The following ZMYND11 variants were observed in gnomAD, a reference collection of about 807,000 sequenced individuals.
The protein encoded by ZMYND11 is zinc finger MYND-type containing 11, also known as zinc finger MYND domain-containing protein 11.
A neutral mutation model predicts 84.9 loss-of-function variants in ZMYND11; 9 were observed. The observed-to-expected ratio is 0.11, with a 90% CI of 0.06 to 0.18. The LOEUF (loss-of-function observed/expected upper bound fraction) is 0.18. Ranked by LOEUF, ZMYND11 falls within the 10% of genes least tolerant of loss-of-function variation. The pLI is 1.00. For missense variants in ZMYND11, 409 were observed against 761.0 expected, an observed-to-expected ratio of 0.54 and a Z score of 5.44; for synonymous variants, 250 against 244.1, an observed-to-expected ratio of 1.02 and a Z score of -0.23.
intron 2 of ZMYND11, among the ~76,000 whole-genome samples, chr10:186,797 T>C (rs1232819065): frequency 2.6e-5 from 4 of 152,278 alleles, no homozygotes; most frequent in African/African-American, 7.2e-5. Context: ...GGAGAACTTA[T>C]CTGTTCTGAA....
intron 4 of ZMYND11, among the ~76,000 whole-genome samples, chr10:236,380 C>G (rs1949971215): frequency 6.6e-6 from 1 of 152,214 alleles, no homozygotes; most frequent in Non-Finnish European, 1.5e-5. Context: ...TAGTATGCAG[C>G]TGCGCTGTGC....
rs1461441640 is a variant in ZMYND11, at chr10:135,736, TGGCGGGGCGGGCCGGGCC to T, written c.-20+186_-20+203del. Among the ~76,000 whole-genome samples the T allele has an allele frequency of 3.6e-5, 5 of 137,238 alleles. No individual in the cohort carries two copies. The highest frequency in any genetic ancestry group is 6.4e-5 in the Non-Finnish European group (4 of 62,718). The allele number at this position is 137,238 out of a possible 152,430, so 90.0% of individuals were successfully genotyped here. ...CCGAGCTGCCGGGGAGCTTTGTGGA[TGGCGGGGCGGGCCGGGCC>T]GGCGGGGCCTGCGAGGGCGGCGGCG... On this transcript the variant is annotated intron_variant, in intron 1 of 14. Coordinates refer to ENST00000381604, the MANE Select transcript of ZMYND11 (RefSeq NM_001370100.5). This position sits in a 1 kb window ranked among gnomAD's most constrained non-coding sequence, Gnocchi z 5.6.
At chr10:190,674 T>A (rs1940139274) in intron 2 of ZMYND11, among the ~76,000 whole-genome samples, 1 of 152,216 alleles carries the variant, frequency 6.6e-6, no homozygotes, top group Non-Finnish European at 1.5e-5. Flanking sequence ...CCCTGACGTT[T>A]CTTCTTTTCA....
chr10:192,516 C>T (rs1289949579), intron 2 of ZMYND11, among the ~76,000 whole-genome samples: 2 of 152,198 alleles, frequency 1.3e-5, no homozygotes, highest in Admixed American at 6.5e-5. Context: ...CCATAAATTA[C>T]TATGACTTGC....
chr10:210,247 C>G (rs897993024), intron 3 of ZMYND11, among the ~76,000 whole-genome samples, 199 bp downstream of exon 3: 4 of 152,200 alleles, frequency 2.6e-5, no homozygotes, highest in Non-Finnish European at 5.9e-5. Flanking sequence ...TACAAAGATC[C>G]TGCTTCTCTA....
At chr10:173,308 C>T (rs546355621) in intron 1 of ZMYND11, among the ~76,000 whole-genome samples, 36 of 152,246 alleles carry the variant, frequency 2.4e-4, no homozygotes, top group Non-Finnish European at 5.0e-4. Flanking sequence ...AAATTTAATA[C>T]TTTTGTTCTG....
chr10:244,051 G>A (rs1472237091), intron 10 of ZMYND11, among the ~76,000 whole-genome samples: 1 of 152,028 alleles, frequency 6.6e-6, no homozygotes, highest in East Asian at 1.9e-4. Context: ...CTTTATTTTA[G>A]AAAATAAGAG....
chr10:186,642 C>CAAAAA lies in ZMYND11; in HGVS notation c.116+6547_116+6551dup, dbSNP rs56345833. ...ACTGGGGAACAGAGCAGGACTCTCT[C>CAAAAA]AAAAAAAAAAAAAAAAAAAAAAAAA... On this transcript the variant is annotated intron_variant, in intron 2 of 14. Transcript: ENST00000381604. Among the ~76,000 whole-genome samples the CAAAAA allele has an allele frequency of 7.4e-5, 7 of 95,156 alleles. 1 individual carries two copies. Among genetic ancestry groups the CAAAAA allele is most frequent in the East Asian group, 2.9e-4 (1 of 3,404 alleles). 62.4% of individuals were successfully genotyped at this position (95,156 alleles called of 152,430 possible).
chr10:247,483 G>T lies in ZMYND11; in HGVS notation c.1227+17G>T, dbSNP rs372546317. On this transcript the variant is annotated intron_variant, in intron 12 of 14. Transcript: ENST00000381604. ...AAAAAGGAAGTAAGTTGCCCACCTCGCAGTATCCAGGTGGCAAATGAAACA... is the reference window on the plus strand; with the variant it reads ...AAAAAGGAAGTAAGTTGCCCACCTCTCAGTATCCAGGTGGCAAATGAAACA... 2.5e-6 allele frequency: 4 copies of T among 1,612,130 alleles called. No individual in the cohort carries two copies. Among genetic ancestry groups the T allele is most frequent in the African/African-American group, 2.7e-5 (2 of 74,786 alleles).
In ZMYND11 at chr10:180,089, G is replaced by C; in HGVS notation, c.77G>C (p.Arg26Pro). Reference sequence around the variant, plus strand: ...CTTTGGGCAGCCATTGAGATTATACGGAACCAGAAGCAGATTGCCAACATT... The same window carrying C: ...CTTTGGGCAGCCATTGAGATTATACCGAACCAGAAGCAGATTGCCAACATT... ...QHLWAAIEII[R>P]NQKQIANIDR... The change falls in exon 2 of 15, where the codon CGG becomes CCG. Residue 26 changes from arginine (R) to proline (P), a missense_variant. Arg to Pro is a moderately radical substitution (Grantham distance 103). Coordinates refer to ENST00000381604, the MANE Select transcript of ZMYND11 (RefSeq NM_001370100.5). 1 of 1,613,274 alleles carries C rather than the reference G, an allele frequency of 6.2e-7. No individual in the cohort carries two copies. The highest frequency in any genetic ancestry group is 8.5e-7 in the Non-Finnish European group (1 of 1,179,560).
chr10:210,528 T>G (rs1049544872), intron 3 of ZMYND11, among the ~76,000 whole-genome samples: 1 of 152,212 alleles, frequency 6.6e-6, no homozygotes, highest in Non-Finnish European at 1.5e-5. Context: ...TAAGTTCTCC[T>G]GGCCAGTGCC....
At chr10:198,030 T>A (rs1332268125) in intron 2 of ZMYND11, 3 of 595,108 alleles carry the variant, frequency 5.0e-6, no homozygotes, top group Non-Finnish European at 9.1e-6. Flanking sequence ...AAAAAGTTGG[T>A]AAAATTTGGG....
At chr10:243,239 A>G (rs1024666385) in intron 10 of ZMYND11, among the ~76,000 whole-genome samples, 5 of 152,156 alleles carry the variant, frequency 3.3e-5, no homozygotes, top group Non-Finnish European at 1.5e-5. Context: ...CTACAGAGAG[A>G]CCTGAGCATA....
intron 2 of ZMYND11, among the ~76,000 whole-genome samples, chr10:203,135 A>G (rs931164718): frequency 7.2e-5 from 11 of 152,210 alleles, no homozygotes; most frequent in African/African-American, 9.6e-5. Flanking sequence ...GTGAACTGTT[A>G]TAAGAATCCC....
At chr10:230,577 G>A (rs562899290) in intron 4 of ZMYND11, among the ~76,000 whole-genome samples, 6 of 151,458 alleles carry the variant, frequency 4.0e-5, no homozygotes, top group Non-Finnish European at 8.8e-5. Context: ...AGTAAGTGCT[G>A]TAGGTGGCTA....
chr10:167,820 G>T (rs559874116), intron 1 of ZMYND11, among the ~76,000 whole-genome samples: 2 of 151,800 alleles, frequency 1.3e-5, no homozygotes, highest in South Asian at 4.2e-4. Flanking sequence ...TTTTAATGTG[G>T]CAAATACACA....
chr10:151,839 G>A (rs1466761836), intron 1 of ZMYND11, among the ~76,000 whole-genome samples: 3 of 152,244 alleles, frequency 2.0e-5, no homozygotes, highest in Admixed American at 2.0e-4. Context: ...CCCACAAAGG[G>A]AAGCCCATCA....
chr10:145,599 T>G (rs1283833211), intron 1 of ZMYND11, among the ~76,000 whole-genome samples: 3 of 152,184 alleles, frequency 2.0e-5, no homozygotes, highest in Non-Finnish European at 2.9e-5. Context: ...CTGGTGGGGG[T>G]AAGGTGGTAC....
At chr10:236,172 G>A (rs1265316968) in intron 4 of ZMYND11, among the ~76,000 whole-genome samples, 1 of 152,218 alleles carries the variant, frequency 6.6e-6, no homozygotes, top group Non-Finnish European at 1.5e-5. Context: ...TAATATCAGG[G>A]ACTTTGACTA....
Sources: gnomAD v4.1 joint callset for allele counts (sites outside exome capture counted in the v4.1 genomes callset) on GRCh38, gnomAD v4.1.1 for gene constraint, Gnocchi (gnomAD v3.1) non-coding constraint, MANE v1.5 for transcripts, NCBI Gene and HGNC (gene_info 2026-07-23, HGNC 2026-07-21) for gene names.